The following EDA2R variants were observed in gnomAD, a reference collection of about 807,000 sequenced individuals.
EDA2R encodes the protein tumor necrosis factor receptor superfamily member 27.
Under a neutral mutation model 20.1 loss-of-function variants are expected in EDA2R, and 26 were observed. The observed-to-expected ratio is 1.30, with a 90% CI of 0.95 to 1.80. The LOEUF is 1.80. EDA2R is among the 40% of genes most tolerant of loss of function. The pLI, the probability that EDA2R is intolerant of heterozygous loss-of-function variation, is 0.00. For synonymous variants in EDA2R, 114 were observed against 88.7 expected (o/e 1.29, Z -1.60); for missense variants, 277 against 228.7 (o/e 1.21, Z -1.36).
chrX:66,636,939 AACAC>A (rs35284589), intron 1 of EDA2R, among the ~76,000 whole-genome samples: 35 of 99,843 alleles, frequency 3.5e-4, no homozygotes, highest in African/African-American at 7.0e-4. Context: ...CTGTGTGTAA[AACAC>A]ACACACACAC....
intron 1 of EDA2R, among the ~76,000 whole-genome samples, chrX:66,630,080 T>C (rs1479106882): frequency 9.1e-6 from 1 of 110,280 alleles, no homozygotes; most frequent in African/African-American, 3.3e-5. Flanking sequence ...AACAAAAACA[T>C]AAAGTGGGAA....
In EDA2R at chrX:66,599,698, C is replaced by A; in HGVS notation, c.680G>T (p.Gly227Val). Residue 227 changes from glycine to valine, a missense_variant, in exon 6 of 7, where the codon GGC (glycine) becomes GTC (valine). Coordinates refer to ENST00000374719, the MANE Select transcript of EDA2R (RefSeq NM_021783.5). ...ILEDDCSSTS[G>V]FPTQESFTMA... ...GGTAAAGGACTCCTGTGTGGGGAAG[C>A]CACTAGTCGAGCTGCAGTCGTCCTC... The A allele has an allele frequency of 8.3e-7, 1 of 1,209,471 alleles. No homozygotes were observed. Among genetic ancestry groups the A allele is most frequent in the Non-Finnish European group, 1.1e-6 (1 of 894,627 alleles).
In EDA2R at chrX:66,602,507, A is replaced by T. The variant is rs750905785; in HGVS notation, c.517+126T>A. Reference sequence around the variant, plus strand: ...AGATAGTTCCCCAGGCCAACAGAAGACTATTCATGGGGTTTTCAAGCATGG... The same window carrying T: ...AGATAGTTCCCCAGGCCAACAGAAGTCTATTCATGGGGTTTTCAAGCATGG... On this transcript the variant is annotated intron_variant, in intron 5 of 6. Coordinates refer to ENST00000374719, the MANE Select transcript of EDA2R (RefSeq NM_021783.5). 9 of 761,544 alleles carry T rather than the reference A, an allele frequency of 1.2e-5. No homozygotes were observed. The South Asian group carries it at 1.9e-4, about 16-fold the overall frequency. 62.8% of individuals were successfully genotyped at this position (761,544 alleles called of 1,213,427 possible).
chrX:66,614,212 A>G (rs1448767261), intron 2 of EDA2R, among the ~76,000 whole-genome samples: 1 of 111,593 alleles, frequency 9.0e-6, no homozygotes, highest in Non-Finnish European at 1.9e-5. Context: ...TGGAGATATG[A>G]TGCTTTGAGT....
intron 1 of EDA2R, among the ~76,000 whole-genome samples, chrX:66,616,941 G>A (rs1242749389): frequency 8.9e-6 from 1 of 112,304 alleles, no homozygotes; most frequent in Non-Finnish European, 1.9e-5. Context: ...CCATTCTAAA[G>A]AGCTATACAA....
intron 1 of EDA2R, among the ~76,000 whole-genome samples, chrX:66,624,324 G>A (rs1932870295): frequency 1.8e-5 from 2 of 111,140 alleles, no homozygotes; most frequent in Admixed American, 9.5e-5. Flanking sequence ...TTCAAGACCA[G>A]CCTAGCCAAC....
intron 1 of EDA2R, among the ~76,000 whole-genome samples, chrX:66,627,306 C>T (rs1369446847): frequency 8.9e-6 from 1 of 112,046 alleles, no homozygotes; most frequent in Non-Finnish European, 1.9e-5. Context: ...TGTAAATGGC[C>T]TAAATGCTCC....
At chrX:66,627,758 G>C (rs1933253583) in intron 1 of EDA2R, among the ~76,000 whole-genome samples, 1 of 111,876 alleles carries the variant, frequency 8.9e-6, no homozygotes, top group African/African-American at 3.3e-5. Context: ...ATACTCTACT[G>C]ACAGCACTAG....
chrX:66,608,612 G>A (rs1426764538), intron 2 of EDA2R, among the ~76,000 whole-genome samples: 2 of 111,536 alleles, frequency 1.8e-5, no homozygotes, highest in East Asian at 5.6e-4. Context: ...CAAAAATAAA[G>A]GAATAATTAA....
At position 66,604,480 on chromosome X, in the gene EDA2R, C is replaced by A; in HGVS notation, c.293G>T (p.Gly98Val). ...PRFYRKTRIG[G>V]LQDQECIPCT... Reference sequence around the variant, plus strand: ...CGGGATGCACTCTTGGTCCTGCAGGCCTCCAATGCGTGTCTTTCGGTAGAA... The same window carrying A: ...CGGGATGCACTCTTGGTCCTGCAGGACTCCAATGCGTGTCTTTCGGTAGAA... Residue 98 changes from glycine to valine, a missense_variant, in exon 4 of 7, where the codon GGC (glycine) becomes GTC (valine). Transcript: ENST00000374719. The A allele has an allele frequency of 1.7e-6, 2 of 1,209,038 alleles. No individual in the cohort carries two copies. Among genetic ancestry groups the A allele is most frequent in the Non-Finnish European group, 2.2e-6 (2 of 893,974 alleles).
intron 1 of EDA2R, among the ~76,000 whole-genome samples, chrX:66,629,377 A>G (rs947919179): frequency 3.6e-5 from 4 of 111,667 alleles, no homozygotes; most frequent in African/African-American, 1.3e-4. Context: ...AGGGCATCCA[A>G]ACTGGTAAAG....
At chrX:66,616,457 G>T (rs1157730532) in intron 1 of EDA2R, among the ~76,000 whole-genome samples, 1 of 111,009 alleles carries the variant, frequency 9.0e-6, no homozygotes, top group Non-Finnish European at 1.9e-5. Context: ...TAACAATTTA[G>T]AAAGTACTTT....
chrX:66,600,605 C>T (rs1359777257), intron 5 of EDA2R, among the ~76,000 whole-genome samples: 1 of 111,824 alleles, frequency 8.9e-6, no homozygotes, highest in Non-Finnish European at 1.9e-5. Flanking sequence ...TAAGCAGAGA[C>T]AAAATTGAGC....
At chrX:66,634,076 A>G (rs1489340810) in intron 1 of EDA2R, among the ~76,000 whole-genome samples, 1 of 111,710 alleles carries the variant, frequency 9.0e-6, no homozygotes, top group African/African-American at 3.3e-5. Context: ...AATATCCTAA[A>G]GGAGCAGAGA....
At chrX:66,600,311 G>C (rs1478481953) in intron 5 of EDA2R, among the ~76,000 whole-genome samples, 1 of 111,672 alleles carries the variant, frequency 9.0e-6, no homozygotes, top group Non-Finnish European at 1.9e-5. Context: ...AGAAGAGGAA[G>C]GCAGAGGAGA....
At chrX:66,616,926 T>A (rs183176956) in intron 1 of EDA2R, among the ~76,000 whole-genome samples, 2 of 112,283 alleles carry the variant, frequency 1.8e-5, no homozygotes, top group Admixed American at 1.9e-4. Flanking sequence ...CTAAGGTCCA[T>A]CAAACCATTC....
chrX:66,599,279 C>T (rs1318173897), intron 6 of EDA2R, among the ~76,000 whole-genome samples, 195 bp downstream of exon 6: 2 of 111,499 alleles, frequency 1.8e-5, no homozygotes, highest in Admixed American at 9.6e-5. Context: ...CAATTGTAGA[C>T]CCAGAAGTGT....
chrX:66,620,896 G>A (rs1932483626), intron 1 of EDA2R, among the ~76,000 whole-genome samples: 1 of 102,529 alleles, frequency 9.8e-6, no homozygotes, highest in African/African-American at 3.5e-5. Flanking sequence ...TGAAAAGATG[G>A]TCGGTGTTAT....
chrX:66,606,820 A>G (rs1929768953), intron 2 of EDA2R, among the ~76,000 whole-genome samples: 1 of 111,845 alleles, frequency 8.9e-6, no homozygotes, highest in South Asian at 3.8e-4. Context: ...TTATTGACAA[A>G]TTACTGTGTA....
Sources: gnomAD v4.1 joint callset for allele counts (sites outside exome capture counted in the v4.1 genomes callset) on GRCh38, gnomAD v4.1.1 for gene constraint, MANE v1.5 for transcripts, NCBI Gene and HGNC (gene_info 2026-07-23, HGNC 2026-07-21) for gene names.